Variants in TM4SF18 observed in about 807,000 individuals in gnomAD.
The protein encoded by TM4SF18 is transmembrane 4 L six family member 18.
TM4SF18 carries 22 observed loss-of-function variants against 23.8 expected under a neutral mutation model. The ratio of observed to expected loss-of-function variants is 0.92; its 90% CI spans 0.66 to 1.32. TM4SF18 has a LOEUF of 1.32. Among genes scored for constraint, TM4SF18 ranks in the 40% most tolerant of loss-of-function variants. TM4SF18 has a pLI of 0.00. For synonymous variants in TM4SF18, 87 were observed against 87.9 expected (o/e 0.99, Z 0.06); for missense variants, 255 against 240.3 (o/e 1.06, Z -0.41).
rs1174323749 is a variant in TM4SF18, at chr3:149,333,315, A to T, written c.68T>A (p.Ile23Asn). ...CGGGAAATACAATAATATGTTCACG[A>T]TTATACTCCAAAGTGCAAGCGGAAT... Reference protein sequence around the residue: ...LLIPLALWSIIVNILLYFPNG... With the variant: ...LLIPLALWSINVNILLYFPNG... The change falls in exon 2 of 6, where the codon ATC becomes AAC. Residue 23 changes from isoleucine (I) to asparagine (N), a missense_variant. By Grantham distance (149) the Ile-to-Asn change is moderately radical. Coordinates refer to ENST00000296059, the MANE Select transcript of TM4SF18 (RefSeq NM_138786.4). 1 of 1,613,710 alleles carries T rather than the reference A, an allele frequency of 6.2e-7. No individual in the cohort carries two copies. Among genetic ancestry groups the T allele is most frequent in the Non-Finnish European group, 8.5e-7 (1 of 1,179,930 alleles).
intron 5 of TM4SF18, 119 bp downstream of exon 5, chr3:149,322,137 A>T: frequency 1.2e-6 from 1 of 829,500 alleles, no homozygotes; most frequent in Non-Finnish European, 1.8e-6. Flanking sequence ...AATAAAGATG[A>T]GGGCAATAGA....
chr3:149,320,615 C>T lies in TM4SF18; in HGVS notation c.*863G>A, dbSNP rs1235753156. ...TAAGTTTATATAAAACTCTTTTTGG[C>T]TCATCTATATCACTACTTTCCTCAT... On this transcript the variant is annotated 3_prime_UTR_variant, in exon 6 of 6. Transcript: ENST00000296059. The T allele has an allele frequency of 6.6e-6, 1 of 152,098 alleles. No homozygotes were observed. The highest frequency in any genetic ancestry group is 2.4e-5 in the African/African-American group (1 of 41,404). 9.4% of individuals were successfully genotyped at this position (152,098 alleles called of 1,614,324 possible).
intron 1 of TM4SF18, 37 bp from the exon 2 acceptor site, chr3:149,333,436 T>G: frequency 7.2e-7 from 1 of 1,381,654 alleles, no homozygotes. Flanking sequence ...TCACAGAAAG[T>G]CTATTTTTCT....
At chr3:149,327,152 G>A (rs996522231) in intron 3 of TM4SF18, among the ~76,000 whole-genome samples, 4 of 152,214 alleles carry the variant, frequency 2.6e-5, no homozygotes, top group Non-Finnish European at 5.9e-5. Context: ...GTTTCACCAT[G>A]TTGGCCAGGC....
rs149378946 is a variant in TM4SF18 at position 149,321,514 on chromosome 3, A to G, written c.592-22T>C. The G allele has an allele frequency of 2.6e-4, 401 of 1,546,160 alleles. 2 individuals carry two copies. The African/African-American group carries it at 3.4e-3, about 13-fold the overall frequency. On this transcript the variant is annotated intron_variant, in intron 5 of 5. Transcript: ENST00000296059. ...CAGGCTATAGGAAAAAAGGAAAAAC[A>G]AAGTGATTAAAGTTATAAACTTGGC... is the stretch of plus-strand genomic sequence containing the variant.
Position 149,324,938 on chromosome 3 carries a change from C to T in TM4SF18, c.352G>A (p.Gly118Arg). ...LVISALGLVQGPYCRTLDGWE... is the reference protein window; with the variant it reads ...LVISALGLVQRPYCRTLDGWE... ...CCATCAAGGGTGCGGCAATATGGCC[C>T]TTGGACAAGACCCAAGGCAGAGATG... Residue 118 changes from glycine (G) to arginine (R), a missense_variant, in exon 4 of 6, where the codon GGG (glycine) becomes AGG (arginine). Physicochemically the swap from Gly to Arg is moderately radical, Grantham distance 125 (BLOSUM62 -2). Transcript: ENST00000296059. The T allele has an allele frequency of 6.2e-7, 1 of 1,614,134 alleles. No individual in the cohort carries two copies.
At chr3:149,327,845 G>C (rs1730988247) in intron 3 of TM4SF18, among the ~76,000 whole-genome samples, 1 of 152,010 alleles carries the variant, frequency 6.6e-6, no homozygotes, top group Non-Finnish European at 1.5e-5. Flanking sequence ...ACACACACAT[G>C]CACACGCACA....
At chr3:149,332,625 G>A (rs1731109205) in intron 2 of TM4SF18, among the ~76,000 whole-genome samples, 1 of 152,124 alleles carries the variant, frequency 6.6e-6, no homozygotes. Context: ...TCTACTACAT[G>A]TCAGTCTCTC....
In TM4SF18 at chr3:149,319,710, C is replaced by T. The variant is rs1184453639; in HGVS notation, c.*1768G>A. The T allele has an allele frequency of 2.0e-5, 3 of 152,156 alleles. No individual in the cohort carries two copies. The highest frequency in any genetic ancestry group is 6.5e-5 in the Admixed American group (1 of 15,272). The allele number at this position is 152,156 out of a possible 1,614,324, so 9.4% of individuals were successfully genotyped here. ...TTGGAGTAGAAGTTCATGTATCTTC[C>T]TTTTAATATGATACCATTATTAACA... is the stretch of plus-strand genomic sequence containing the variant. On this transcript the variant is annotated 3_prime_UTR_variant, in exon 6 of 6. Transcript: ENST00000296059.
At chr3:149,322,164 T>A (rs1730820913) in intron 5 of TM4SF18, 92 bp downstream of exon 5, 21 of 1,135,738 alleles carry the variant, frequency 1.8e-5, no homozygotes, top group Non-Finnish European at 2.5e-5. Context: ...GGGAAAGTGA[T>A]GGAATTCTAG....
At chr3:149,329,313 C>A (rs879637214) in intron 3 of TM4SF18, among the ~76,000 whole-genome samples, 6 of 152,108 alleles carry the variant, frequency 3.9e-5, no homozygotes, top group African/African-American at 9.7e-5. Flanking sequence ...ATCTTGACTA[C>A]GCATTGAAAT....
At chr3:149,328,024 T>C (rs558030222) in intron 3 of TM4SF18, among the ~76,000 whole-genome samples, 1 of 152,270 alleles carries the variant, frequency 6.6e-6, no homozygotes, top group South Asian at 2.1e-4. Flanking sequence ...AATAAAATAT[T>C]AGCTATTATT....
rs921264403 is a variant in TM4SF18, at chr3:149,319,915, T to C, written c.*1563A>G. 1 of 152,240 alleles carries C rather than the reference T, an allele frequency of 6.6e-6. No individual in the cohort carries two copies. Among genetic ancestry groups the C allele is most frequent in the Non-Finnish European group, 1.5e-5 (1 of 68,062 alleles). The allele number at this position is 152,240 out of a possible 1,614,324, so 9.4% of individuals were successfully genotyped here. On this transcript the variant is annotated 3_prime_UTR_variant, in exon 6 of 6. Coordinates refer to ENST00000296059, the MANE Select transcript of TM4SF18 (RefSeq NM_138786.4). ...AAGTCAGAGGCCATTAGCAAGACAA[T>C]AGGCTGCCCATGACTCTGGGGCCTG...
chr3:149,326,696 T>C (rs1391494788), intron 3 of TM4SF18, among the ~76,000 whole-genome samples: 3 of 152,212 alleles, frequency 2.0e-5, no homozygotes, highest in Non-Finnish European at 4.4e-5. Flanking sequence ...CTCCTTTGCC[T>C]CTGTCTATAT....
intron 4 of TM4SF18, 111 bp from the exon 5 acceptor site, chr3:149,322,547 G>T: frequency 1.1e-6 from 1 of 874,948 alleles, no homozygotes; most frequent in Non-Finnish European, 1.7e-6. Context: ...TATTAGATAT[G>T]AATTAATACA....
intron 2 of TM4SF18, among the ~76,000 whole-genome samples, chr3:149,331,948 C>G (rs1731094376): frequency 6.6e-6 from 1 of 152,130 alleles, no homozygotes; most frequent in Non-Finnish European, 1.5e-5. Flanking sequence ...CTGTAAGATG[C>G]TTCTTCTAGT....
Position 149,333,228 on chromosome 3 carries a change from C to T in TM4SF18, c.155G>A (p.Gly52Glu), listed in dbSNP as rs1731125193. The part of the protein sequence containing the change: ...KLTNYVWYFE[G>E]ICFSGIMMLI... ...TACCATGATGCCTGAGAAACAGATT[C>T]CTTCAAAATACCACACGTAGTTGGT... The change falls in exon 2 of 6, where the codon GGA (glycine) becomes GAA (glutamate). Residue 52 changes from glycine to glutamate, a missense_variant. By Grantham distance (98) the Gly-to-Glu change is moderately conservative. Transcript: ENST00000296059. 2 of 1,611,904 alleles carry T rather than the reference C, an allele frequency of 1.2e-6. No homozygotes were observed. The highest frequency in any genetic ancestry group is 8.5e-7 in the Non-Finnish European group (1 of 1,179,026).
At chr3:149,324,470 C>A (rs1467986974) in intron 4 of TM4SF18, among the ~76,000 whole-genome samples, 1 of 152,158 alleles carries the variant, frequency 6.6e-6, no homozygotes, top group East Asian at 1.9e-4. Flanking sequence ...TTTCTCTCCT[C>A]CTCAAGCCCT....
chr3:149,330,408 T>C lies in TM4SF18; in HGVS notation c.189A>G (p.Val63=), dbSNP rs1289086647. ...ICFSGIMMLI[V]TTVLLVLENN... ...TCTCCAGTACCAGAAGAACTGTTGT[T>C]ACTATAAGCATCTATAGGAGGGAAG... Residue 63 remains valine, a synonymous_variant, in exon 3 of 6, where the codon GTA becomes GTG. Coordinates refer to ENST00000296059, the MANE Select transcript of TM4SF18 (RefSeq NM_138786.4). 3.1e-6 allele frequency: 5 copies of C among 1,602,946 alleles called. No individual in the cohort carries two copies. The highest frequency in any genetic ancestry group is 4.3e-6 in the Non-Finnish European group (5 of 1,172,976).
Sources: gnomAD v4.1 joint callset for allele counts (sites outside exome capture counted in the v4.1 genomes callset) on GRCh38, gnomAD v4.1.1 for gene constraint, MANE v1.5 for transcripts, NCBI Gene and HGNC (gene_info 2026-07-23, HGNC 2026-07-21) for gene names.